Variants in KATNBL1 observed in about 807,000 individuals in gnomAD.
KATNBL1 encodes the protein katanin regulatory subunit B1 like 1.
Under a neutral mutation model 44.7 loss-of-function variants are expected in KATNBL1, and 28 were observed. The ratio of observed to expected loss-of-function variants is 0.63; its 90% CI spans 0.46 to 0.86. KATNBL1 has a LOEUF of 0.86. KATNBL1 is among the 40% of genes least tolerant of loss of function. The pLI, the probability that KATNBL1 is intolerant of heterozygous loss-of-function variation, is 0.00. For missense variants in KATNBL1, 272 were observed against 350.7 expected (o/e 0.78, Z 1.79); for synonymous variants, 78 against 114.9 (o/e 0.68, Z 2.06).
chr15:34,201,015 C>T (rs900128069), intron 1 of KATNBL1, among the ~76,000 whole-genome samples: 2 of 152,012 alleles, frequency 1.3e-5, no homozygotes, highest in Non-Finnish European at 2.9e-5. Flanking sequence ...CAGGGTTTCA[C>T]CATGTTGGCC....
In KATNBL1 at chr15:34,163,692, T is replaced by A; in HGVS notation, c.-14-2A>T. On this transcript the variant is annotated splice_acceptor_variant, in intron 1 of 9. Coordinates refer to ENST00000256544, the MANE Select transcript of KATNBL1 (RefSeq NM_024713.3). LOFTEE classifies it low-confidence loss of function (5UTR_SPLICE). Reference sequence around the variant, plus strand: ...CTGATGCCATAATCTCTTAAGTACCTAGACAATAAAATAAAATAGAAAATT... The same window carrying A: ...CTGATGCCATAATCTCTTAAGTACCAAGACAATAAAATAAAATAGAAAATT... The A allele has an allele frequency of 1.4e-6, 2 of 1,458,018 alleles. No individual in the cohort carries two copies. The highest frequency in any genetic ancestry group is 1.9e-6 in the Non-Finnish European group (2 of 1,075,436). 90.3% of individuals were successfully genotyped at this position (1,458,018 alleles called of 1,614,324 possible). A position where few individuals can be genotyped will look rare whatever the true frequency, so the allele number is the denominator to read the frequency against.
intron 1 of KATNBL1, among the ~76,000 whole-genome samples, chr15:34,193,258 A>G (rs2140989419): frequency 7.7e-6 from 1 of 129,612 alleles, no homozygotes; most frequent in East Asian, 2.6e-4. Context: ...TTAAGGCCAG[A>G]TGCAGTGGAT....
intron 1 of KATNBL1, among the ~76,000 whole-genome samples, chr15:34,195,196 C>A (rs550599500): frequency 6.6e-6 from 1 of 152,080 alleles, no homozygotes; most frequent in Non-Finnish European, 1.5e-5. Context: ...GGAATCAACC[C>A]GTGTCTTATC....
chr15:34,153,753 T>C (rs949991797), intron 3 of KATNBL1, among the ~76,000 whole-genome samples: 2 of 152,102 alleles, frequency 1.3e-5, no homozygotes, highest in Non-Finnish European at 2.9e-5. Flanking sequence ...GTATTTTTAG[T>C]AGAGACAGGG....
chr15:34,197,599 T>C (rs1487800458), intron 1 of KATNBL1, among the ~76,000 whole-genome samples: 1 of 152,246 alleles, frequency 6.6e-6, no homozygotes, highest in Non-Finnish European at 1.5e-5. Flanking sequence ...GAGAAAAGAA[T>C]GAAAGGATAA....
chr15:34,148,252 T>C lies in KATNBL1; in HGVS notation c.557+380A>G, dbSNP rs73376166. ...AAGGTAACAGCTTTGTTCAATCTGA[T>C]AAAACATTGTTTTCTGTATTTTGGT... On this transcript the variant is annotated intron_variant, in intron 5 of 9. Coordinates refer to ENST00000256544, the MANE Select transcript of KATNBL1 (RefSeq NM_024713.3). 6.1e-3 allele frequency: 945 copies of C among 153,878 alleles called. 11 individuals are homozygous for C. Among genetic ancestry groups the C allele is most frequent in the African/African-American group, 0.022 (916 of 41,588 alleles). 9.5% of individuals were successfully genotyped at this position (153,878 alleles called of 1,614,324 possible). A position where few individuals can be genotyped will look rare whatever the true frequency, so the allele number is the denominator to read the frequency against.
chr15:34,154,930 A>G (rs760978498), intron 2 of KATNBL1: 1 of 478,346 alleles, frequency 2.1e-6, no homozygotes, highest in African/African-American at 2.0e-5. Context: ...CACAGTCTAA[A>G]CTAATTCTGA....
intron 1 of KATNBL1, among the ~76,000 whole-genome samples, chr15:34,186,812 G>A (rs1335501896): frequency 6.6e-6 from 1 of 152,250 alleles, no homozygotes. Context: ...ACAGACAAGA[G>A]TCCTGGATGG....
intron 1 of KATNBL1, among the ~76,000 whole-genome samples, chr15:34,169,608 A>C (rs1889096151): frequency 6.6e-6 from 1 of 152,144 alleles, no homozygotes; most frequent in Non-Finnish European, 1.5e-5. Context: ...CATCATCCTG[A>C]TACCAAAGCC....
intron 9 of KATNBL1, 74 bp downstream of exon 9, chr15:34,145,324 G>T: frequency 7.6e-7 from 1 of 1,314,742 alleles, no homozygotes; most frequent in African/African-American, 1.5e-5. Context: ...CTAGAGACTT[G>T]AAAATTAATT....
intron 1 of KATNBL1, among the ~76,000 whole-genome samples, chr15:34,200,378 G>C (rs1167059656): frequency 1.3e-5 from 2 of 151,104 alleles, no homozygotes; most frequent in Non-Finnish European, 2.9e-5. Flanking sequence ...TCAGCCTCCT[G>C]AGTAGCTGGG....
At chr15:34,188,136 G>GCAAAAAAAAAAAAAAAAAAAAAAAA (rs1394136257) in intron 1 of KATNBL1, among the ~76,000 whole-genome samples, 2 of 6,578 alleles carry the variant, frequency 3.0e-4, no homozygotes, top group Non-Finnish European at 8.8e-4. Context: ...AAGACGCCAT[G>GCAAAAAAAAAAAAAAAAAAAAAAAA]TAAAAAAAAA....
intron 9 of KATNBL1, among the ~76,000 whole-genome samples, chr15:34,143,792 A>C (rs1321307086): frequency 2.5e-5 from 3 of 118,340 alleles, no homozygotes; most frequent in African/African-American, 1.0e-4. Context: ...TACTAAAAAT[A>C]CAAAAAAAAA....
chr15:34,169,994 C>T (rs1889109413), intron 1 of KATNBL1, among the ~76,000 whole-genome samples: 1 of 152,192 alleles, frequency 6.6e-6, no homozygotes, highest in African/African-American at 2.4e-5. Context: ...ACTGAATGGG[C>T]AAAAACTGGA....
intron 2 of KATNBL1, among the ~76,000 whole-genome samples, chr15:34,161,937 TG>T (rs892034371): frequency 5.3e-5 from 8 of 152,222 alleles, no homozygotes; most frequent in African/African-American, 1.9e-4. Context: ...ACTGACATAC[TG>T]GTTCTTTGAA....
intron 2 of KATNBL1, among the ~76,000 whole-genome samples, chr15:34,155,445 T>A (rs1225253976): frequency 6.6e-6 from 1 of 152,182 alleles, no homozygotes; most frequent in Non-Finnish European, 1.5e-5. Context: ...GCACTACTGC[T>A]ACAATTGCAA....
chr15:34,173,957 T>C (rs908175254), intron 1 of KATNBL1, among the ~76,000 whole-genome samples: 2 of 152,104 alleles, frequency 1.3e-5, no homozygotes, highest in African/African-American at 4.8e-5. Flanking sequence ...GAAGTTCTCT[T>C]TAGCCAAACA....
intron 8 of KATNBL1, chr15:34,145,873 C>T (rs1314451440): frequency 6.7e-6 from 1 of 149,906 alleles, no homozygotes; most frequent in Non-Finnish European, 1.5e-5. Flanking sequence ...AAGAAAATGA[C>T]CAGGCGTTTG....
At chr15:34,154,728 G>C (rs778480744) in intron 2 of KATNBL1, 44 bp from the exon 3 acceptor site, 6 of 1,302,188 alleles carry the variant, frequency 4.6e-6, no homozygotes, top group South Asian at 2.4e-5. Flanking sequence ...ACAAATGCTT[G>C]GTGCCGCAAA....
Sources: gnomAD v4.1 joint callset for allele counts (sites outside exome capture counted in the v4.1 genomes callset) on GRCh38, gnomAD v4.1.1 for gene constraint, MANE v1.5 for transcripts, NCBI Gene and HGNC (gene_info 2026-07-23, HGNC 2026-07-21) for gene names.